Variants in BAZ1B observed in about 807,000 individuals in gnomAD.
BAZ1B encodes the protein tyrosine-protein kinase BAZ1B.
A neutral mutation model predicts 153.8 loss-of-function variants in BAZ1B; 22 were observed. The observed-to-expected ratio is 0.14, with a 90% CI of 0.10 to 0.20. The LOEUF (loss-of-function observed/expected upper bound fraction) is 0.20. Among genes scored for constraint, BAZ1B ranks in the 10% least tolerant of loss-of-function variants. The probability of loss-of-function intolerance (pLI) is 1.00; values close to 1 mark genes in which losing one functional copy is unlikely to be tolerated. For synonymous variants in BAZ1B, 676 were observed against 633.4 expected (o/e 1.07, Z -1.01); for missense variants, 1,325 against 1,799.3 (o/e 0.74, Z 4.77).
intron 4 of BAZ1B, among the ~76,000 whole-genome samples, chr7:73,493,215 C>T (rs1376021040): frequency 6.6e-6 from 1 of 152,190 alleles, no homozygotes; most frequent in Non-Finnish European, 1.5e-5. Context: ...AATCCCAGCA[C>T]TTTGGGAGGC....
chr7:73,513,597 A>T (rs1363425863), intron 1 of BAZ1B, among the ~76,000 whole-genome samples: 1 of 152,206 alleles, frequency 6.6e-6, no homozygotes, highest in Non-Finnish European at 1.5e-5. Flanking sequence ...CATTATCCCA[A>T]GACGGATTTG....
At chr7:73,506,301 A>G (rs1200497557) in intron 3 of BAZ1B, among the ~76,000 whole-genome samples, 2 of 151,786 alleles carry the variant, frequency 1.3e-5, no homozygotes. Context: ...GATTGAGACC[A>G]TCCTGGCTAA....
rs535725835 is a variant in BAZ1B at position 73,510,733 on chromosome 7, T to C, written c.224+3A>G. The C allele has an allele frequency of 1.9e-6, 3 of 1,612,258 alleles. No individual in the cohort carries two copies. The highest frequency in any genetic ancestry group is 3.3e-5 in the Admixed American group (2 of 60,002). On this transcript the variant is annotated splice_donor_region_variant and intron_variant, in intron 2 of 19. Transcript: ENST00000339594. ...GGCAAAGAGCAATACTTCCATTACT[T>C]ACAGCTCAGCAACTTCCTGTTCTTC...
intron 19 of BAZ1B, 153 bp downstream of exon 19, chr7:73,442,028 A>G (rs534751553): frequency 1.9e-5 from 12 of 615,496 alleles, no homozygotes; most frequent in East Asian, 1.9e-4. Flanking sequence ...CACCAACCCA[A>G]TATCAAGCCC....
In BAZ1B at chr7:73,462,970, T is replaced by C; in HGVS notation, c.3201A>G (p.Gln1067=). ...CTTCCACATATCCAAGTCCTCCTTTTTGTAACCTTGTTGCAACTTCAATGA... is the reference window on the plus strand; with the variant it reads ...CTTCCACATATCCAAGTCCTCCTTTCTGTAACCTTGTTGCAACTTCAATGA... ...SDLIEVATRL[Q]KGGLGYVEET... The change falls in exon 12 of 20, where the codon CAA becomes CAG. Residue 1067 remains glutamine (Q), a synonymous_variant. Transcript: ENST00000339594. The C allele has an allele frequency of 1.2e-6, 2 of 1,614,118 alleles. No homozygotes were observed. The highest frequency in any genetic ancestry group is 1.3e-5 in the African/African-American group (1 of 75,038).
intron 19 of BAZ1B, 24 bp downstream of exon 19, chr7:73,442,151 CTAGCTG>C: frequency 1.1e-6 from 1 of 942,548 alleles, no homozygotes; most frequent in Non-Finnish European, 1.6e-6. Context: ...CCCACCCTCC[CTAGCTG>C]TCCCCCCACC....
At chr7:73,480,262 A>G (rs556504026) in intron 6 of BAZ1B, among the ~76,000 whole-genome samples, 1 of 151,642 alleles carries the variant, frequency 6.6e-6, no homozygotes, top group Admixed American at 6.6e-5. Context: ...CCTTTAGTCC[A>G]CTCATGTTCC....
At chr7:73,451,655 C>A (rs1554568293) in intron 13 of BAZ1B, among the ~76,000 whole-genome samples, 1 of 152,146 alleles carries the variant, frequency 6.6e-6, no homozygotes, top group African/African-American at 2.4e-5. Flanking sequence ...AACACACATA[C>A]AAAAATCTAC....
At chr7:73,475,837 T>C (rs1788976687) in intron 7 of BAZ1B, among the ~76,000 whole-genome samples, 1 of 149,594 alleles carries the variant, frequency 6.7e-6, no homozygotes, top group Admixed American at 6.7e-5. Context: ...GGCAGGAGAA[T>C]CGCTTGAATC....
At chr7:73,520,669 G>C (rs888310936) in intron 1 of BAZ1B, among the ~76,000 whole-genome samples, 3 of 152,154 alleles carry the variant, frequency 2.0e-5, no homozygotes, top group East Asian at 1.9e-4. Context: ...CCCACAAAGG[G>C]ACACTCACAA....
At chr7:73,511,865 CAA>C (rs562678974) in intron 1 of BAZ1B, among the ~76,000 whole-genome samples, 22 of 119,304 alleles carry the variant, frequency 1.8e-4, no homozygotes, top group Admixed American at 2.6e-4. Context: ...TACTAAAAAT[CAA>C]AAAAAAAAAA....
At chr7:73,451,343 C>A (rs145988148) in intron 13 of BAZ1B, among the ~76,000 whole-genome samples, 136 of 152,340 alleles carry the variant, frequency 8.9e-4, no homozygotes, top group African/African-American at 3.2e-3. Context: ...AATCAATAAC[C>A]TACCACAACA....
At chr7:73,519,944 C>T (rs1326984733) in intron 1 of BAZ1B, among the ~76,000 whole-genome samples, 1 of 150,990 alleles carries the variant, frequency 6.6e-6, no homozygotes, top group Non-Finnish European at 1.5e-5. Context: ...CGGTGGCTCA[C>T]GCCTGTTAAT....
At chr7:73,470,521 T>C (rs1788761101) in intron 7 of BAZ1B, 38 bp from the exon 8 acceptor site, 1 of 1,604,776 alleles carries the variant, frequency 6.2e-7, no homozygotes, top group African/African-American at 1.3e-5. Context: ...GATATTTTCC[T>C]AGTAAATCCC....
intron 13 of BAZ1B, among the ~76,000 whole-genome samples, chr7:73,452,892 G>C (rs1226515068): frequency 1.3e-5 from 2 of 152,110 alleles, no homozygotes; most frequent in African/African-American, 4.8e-5. Context: ...AGGATGTCCG[G>C]ACAAACGCCA....
At position 73,458,192 on chromosome 7, in the gene BAZ1B, T is replaced by C. The variant is rs117277005; in HGVS notation, c.3432+1344A>G. 3.7e-4 allele frequency among the ~76,000 whole-genome samples: 57 copies of C among 152,240 alleles called. 2 individuals carry two copies. In the East Asian group the frequency reaches 8.1e-3, roughly 22 times the overall value. ...TGCAGGATCTGACACAAACTCCAAG[T>C]AGAAAGAGTCAGAATTAAACTGAAT... On this transcript the variant is annotated intron_variant, in intron 13 of 19. Coordinates refer to ENST00000339594, the MANE Select transcript of BAZ1B (RefSeq NM_032408.4).
At chr7:73,498,383 T>C in intron 4 of BAZ1B, 114 bp downstream of exon 4, 1 of 977,658 alleles carries the variant, frequency 1.0e-6, no homozygotes, top group East Asian at 2.4e-5. Context: ...ATGAACAAAA[T>C]CATGTCTACA....
chr7:73,476,860 A>C lies in BAZ1B; in HGVS notation c.2593+8T>G. ...AGCTTCCCCTTTTCTCTCAGCATGA[A>C]ATTTTACCTTTCATTTCTCTTTCCT... is the stretch of plus-strand genomic sequence containing the variant. On this transcript the variant is annotated splice_region_variant and intron_variant, in intron 7 of 19. Coordinates refer to ENST00000339594, the MANE Select transcript of BAZ1B (RefSeq NM_032408.4). 6.3e-7 allele frequency: 1 copy of C among 1,582,270 alleles called. No individual in the cohort carries two copies. The highest frequency in any genetic ancestry group is 1.2e-5 in the South Asian group (1 of 84,590).
rs563139022 is a variant in BAZ1B, at chr7:73,466,548, A to G, written c.2867-147T>C. ...TATCAAATATATCTTCATGTATAAAAGATGCTAATTTCTCTTAAATATCTT... is the reference window on the plus strand; with the variant it reads ...TATCAAATATATCTTCATGTATAAAGGATGCTAATTTCTCTTAAATATCTT... On this transcript the variant is annotated intron_variant, in intron 9 of 19. Coordinates refer to ENST00000339594, the MANE Select transcript of BAZ1B (RefSeq NM_032408.4). The G allele has an allele frequency of 2.4e-4, 136 of 574,580 alleles. 1 individual carries two copies. Among genetic ancestry groups the G allele is most frequent in the Non-Finnish European group, 3.6e-4 (115 of 321,172 alleles). The allele number at this position is 574,580 out of a possible 1,614,324, so 35.6% of individuals were successfully genotyped here.
Sources: gnomAD v4.1 joint callset for allele counts (sites outside exome capture counted in the v4.1 genomes callset) on GRCh38, gnomAD v4.1.1 for gene constraint, MANE v1.5 for transcripts, NCBI Gene and HGNC (gene_info 2026-07-23, HGNC 2026-07-21) for gene names.